The following ANKS1B variants were observed in gnomAD, a reference collection of about 807,000 sequenced individuals.
The protein encoded by ANKS1B is ankyrin repeat and sterile alpha motif domain-containing protein 1B.
Under a neutral mutation model 148.3 loss-of-function variants are expected in ANKS1B, and 36 were observed. That is an observed-to-expected ratio of 0.24 (90% CI 0.19 to 0.32). The LOEUF is 0.32. Ranked by LOEUF, ANKS1B falls within the 10% of genes least tolerant of loss-of-function variation. The pLI is 1.00. For synonymous variants in ANKS1B, 542 were observed against 560.8 expected (o/e 0.97, Z 0.47); for missense variants, 1,157 against 1,542.6 (o/e 0.75, Z 4.19).
At position 99,782,147 on chromosome 12, in the gene ANKS1B, C is replaced by T. The variant is rs772579978; in HGVS notation, c.670-50G>A. On this transcript the variant is annotated intron_variant, in intron 4 of 26. Transcript: ENST00000683438. ...AGAAAGCACGGTTGCATTTGGAATGCTTACAGGTTGAAATAAAATGCTCAC... is the reference window on the plus strand; with the variant it reads ...AGAAAGCACGGTTGCATTTGGAATGTTTACAGGTTGAAATAAAATGCTCAC... The T allele has an allele frequency of 4.2e-6, 6 of 1,422,840 alleles. No individual in the cohort carries two copies. The South Asian group carries it at 5.1e-5, about 12-fold the overall frequency. 88.1% of individuals were successfully genotyped at this position (1,422,840 alleles called of 1,614,324 possible).
chr12:99,968,955 A>G (rs1275092209), intron 1 of ANKS1B, among the ~76,000 whole-genome samples: 3 of 152,200 alleles, frequency 2.0e-5, no homozygotes, highest in Admixed American at 2.0e-4. Context: ...AGCAGATGCC[A>G]GCACCATGCT....
chr12:99,306,235 T>A (rs183312673), intron 12 of ANKS1B, among the ~76,000 whole-genome samples: 1 of 152,172 alleles, frequency 6.6e-6, no homozygotes, highest in Non-Finnish European at 1.5e-5. Context: ...TGTGTACTGC[T>A]CCCTCAGCAA....
chr12:99,838,543 A>C (rs532206536), intron 1 of ANKS1B, among the ~76,000 whole-genome samples: 48 of 152,188 alleles, frequency 3.2e-4, no homozygotes, highest in African/African-American at 1.2e-3. Flanking sequence ...ATATTTATAG[A>C]TATTAACCCT....
At chr12:99,816,744 T>C (rs2069225629) in intron 2 of ANKS1B, among the ~76,000 whole-genome samples, 1 of 151,658 alleles carries the variant, frequency 6.6e-6, no homozygotes, top group South Asian at 2.1e-4. Flanking sequence ...CAAATTATGA[T>C]TAATCATTCT....
At chr12:99,159,394 G>C (rs952878814) in intron 14 of ANKS1B, among the ~76,000 whole-genome samples, 39 of 152,172 alleles carry the variant, frequency 2.6e-4, no homozygotes, top group African/African-American at 9.4e-4. Context: ...CCCTACTCCA[G>C]TAGTCCCCAC....
chr12:98,801,201 C>G lies in ANKS1B; in HGVS notation c.3142-76G>C. On this transcript the variant is annotated intron_variant, in intron 20 of 26. Coordinates refer to ENST00000683438, the MANE Select transcript of ANKS1B (RefSeq NM_001352186.2). The surrounding 1 kb of genome is among the most constrained non-coding windows in gnomAD (Gnocchi z 5.2). ...TTCCCTGTAGCTACCCTGAGCTCAC[C>G]TTACACACAGGTGCTGTGAATGTAC... The G allele has an allele frequency of 2.0e-6, 3 of 1,502,616 alleles. No individual in the cohort carries two copies. Among genetic ancestry groups the G allele is most frequent in the Non-Finnish European group, 2.7e-6 (3 of 1,102,092 alleles). The allele number at this position is 1,502,616 out of a possible 1,614,324, so 93.1% of individuals were successfully genotyped here.
At chr12:99,351,297 T>C (rs2091392535) in intron 12 of ANKS1B, among the ~76,000 whole-genome samples, 1 of 152,108 alleles carries the variant, frequency 6.6e-6, no homozygotes, top group Non-Finnish European at 1.5e-5. Context: ...CTAAACTAAC[T>C]ATATACTAAA....
chr12:99,523,337 C>T (rs999614021), intron 9 of ANKS1B, among the ~76,000 whole-genome samples: 1 of 152,084 alleles, frequency 6.6e-6, no homozygotes, highest in African/African-American at 2.4e-5. Flanking sequence ...GTATGACAAA[C>T]ATTTAAAAGG....
intron 1 of ANKS1B, among the ~76,000 whole-genome samples, chr12:99,831,801 A>C (rs7955465): frequency 0.11 from 17,143 of 152,106 alleles, 1,410 homozygotes; most frequent in African/African-American, 0.23. Flanking sequence ...AGAGGACGCA[A>C]TTCTTCTTAG....
intron 9 of ANKS1B, among the ~76,000 whole-genome samples, chr12:99,587,709 A>T (rs566491034): frequency 5.8e-4 from 88 of 152,324 alleles, no homozygotes; most frequent in African/African-American, 2.1e-3. Context: ...GAATATAAAA[A>T]GTTTCACATT....
At chr12:98,910,070 C>T (rs2099784715) in intron 17 of ANKS1B, among the ~76,000 whole-genome samples, 1 of 152,212 alleles carries the variant, frequency 6.6e-6, no homozygotes, top group South Asian at 2.1e-4. Context: ...CTTTTCCTGA[C>T]AGACTCCAAG....
chr12:99,508,118 T>A (rs1281341506), intron 9 of ANKS1B, among the ~76,000 whole-genome samples: 1 of 151,902 alleles, frequency 6.6e-6, no homozygotes, highest in Non-Finnish European at 1.5e-5. Context: ...TTTTTCTCAA[T>A]CAAGATTATG....
chr12:99,540,664 C>A (rs1226469846), intron 9 of ANKS1B, among the ~76,000 whole-genome samples: 19 of 151,800 alleles, frequency 1.3e-4, no homozygotes, highest in Non-Finnish European at 2.4e-4. Context: ...TGCCGCAGTG[C>A]TTAGAGAGAA....
intron 16 of ANKS1B, among the ~76,000 whole-genome samples, chr12:99,079,503 A>G (rs2048934224): frequency 6.6e-6 from 1 of 152,202 alleles, no homozygotes. Flanking sequence ...AGTAGCAATG[A>G]ACAAAAGTGA....
At chr12:99,446,745 A>T (rs1314386576) in intron 10 of ANKS1B, among the ~76,000 whole-genome samples, 2 of 152,090 alleles carry the variant, frequency 1.3e-5, no homozygotes, top group Admixed American at 6.6e-5. Flanking sequence ...CAGAAACTTA[A>T]AAAGTAGACA....
intron 12 of ANKS1B, among the ~76,000 whole-genome samples, chr12:99,295,036 C>G (rs1035414065): frequency 1.3e-5 from 2 of 152,126 alleles, no homozygotes; most frequent in Non-Finnish European, 2.9e-5. Flanking sequence ...ACATTGTATG[C>G]CTGGATCAAA....
At chr12:99,864,485 T>C (rs2090475309) in intron 1 of ANKS1B, among the ~76,000 whole-genome samples, 1 of 152,166 alleles carries the variant, frequency 6.6e-6, no homozygotes. Flanking sequence ...TTGCACATCT[T>C]GTGTCTTTAT....
intron 11 of ANKS1B, among the ~76,000 whole-genome samples, chr12:99,422,272 C>G (rs2095111467): frequency 6.6e-6 from 1 of 152,192 alleles, no homozygotes; most frequent in Admixed American, 6.5e-5. Context: ...CTGTCATCTT[C>G]TCCACTTACC....
chr12:98,998,164 G>T (rs2099930822), intron 17 of ANKS1B, among the ~76,000 whole-genome samples: 1 of 152,302 alleles, frequency 6.6e-6, no homozygotes, highest in African/African-American at 2.4e-5. Context: ...AATTTACCCA[G>T]ACTGCTTTGG....
Sources: allele counts gnomAD v4.1 joint callset (sites outside exome capture counted in the v4.1 genomes callset), GRCh38; gene constraint gnomAD v4.1.1; non-coding constraint Gnocchi (gnomAD v3.1); transcripts MANE v1.5; gene names NCBI Gene and HGNC (gene_info 2026-07-23, HGNC 2026-07-21).